Variants in PYGL observed in about 807,000 individuals in gnomAD.
PYGL encodes glycogen phosphorylase L.
In PYGL, 90 loss-of-function variants were observed where a neutral mutation model predicts 100.1. That is an observed-to-expected ratio of 0.90 (90% confidence interval 0.76 to 1.07). PYGL has a LOEUF of 1.07. Among genes scored for constraint, PYGL ranks in the 50% least tolerant of loss-of-function variants. The pLI, the probability that PYGL is intolerant of heterozygous loss-of-function variation, is 0.00. For synonymous variants in PYGL, 373 were observed against 393.0 expected (o/e 0.95, Z 0.60); for missense variants, 1,016 against 1,057.6 (o/e 0.96, Z 0.55).
At position 50,912,928 on chromosome 14, in the gene PYGL, T is replaced by C. The variant is rs374691859; in HGVS notation, c.1620+101A>G. 5.3e-5 allele frequency: 59 copies of C among 1,111,390 alleles called. No individual in the cohort carries two copies. In the African/African-American group the frequency reaches 8.0e-4, roughly 15 times the overall value. 68.8% of individuals were successfully genotyped at this position (1,111,390 alleles called of 1,614,324 possible). ...GAGATCGTGCCACTGCACTCCAGCCTGGGCAACAGAGCGAGACTCTGTCTC... is the reference window on the plus strand; with the variant it reads ...GAGATCGTGCCACTGCACTCCAGCCCGGGCAACAGAGCGAGACTCTGTCTC... On this transcript the variant is annotated intron_variant, in intron 13 of 19. Coordinates refer to ENST00000216392, the MANE Select transcript of PYGL (RefSeq NM_002863.5).
Position 50,911,973 on chromosome 14 carries a change from CT to C in PYGL, c.1827+4del. The C allele has an allele frequency of 6.2e-7, 1 of 1,613,638 alleles. No individual in the cohort carries two copies. Among genetic ancestry groups the C allele is most frequent in the Non-Finnish European group, 8.5e-7 (1 of 1,179,518 alleles). ...TCAAGTCCCCATTGAATAGATTCAA[CT>C]TACTTTACCACCAATGATAACTGTC... On this transcript the variant is annotated splice_donor_region_variant and intron_variant, in intron 15 of 19. Coordinates refer to ENST00000216392, the MANE Select transcript of PYGL (RefSeq NM_002863.5).
intron 13 of PYGL, among the ~76,000 whole-genome samples, chr14:50,912,779 C>A (rs572370256): frequency 6.6e-6 from 1 of 152,194 alleles, no homozygotes; most frequent in African/African-American, 2.4e-5. Flanking sequence ...CATAGTGTAA[C>A]CCTGTCTCTA....
chr14:50,924,009 A>G lies in PYGL; in HGVS notation c.620T>C (p.Val207Ala), dbSNP rs756105266. ...FMLPVHFYGKVEHTNTGTKWI... is the reference protein window; with the variant it reads ...FMLPVHFYGKAEHTNTGTKWI... ...CTTGGTCCCGGTGTTGGTGTGTTCT[A>G]CTTTTCCATAGAAGTGCACAGGCAG... The change falls in exon 5 of 20, where the codon GTA becomes GCA. Residue 207 changes from valine (V) to alanine (A), a missense_variant. Transcript: ENST00000216392. 3 of 1,613,944 alleles carry G rather than the reference A, an allele frequency of 1.9e-6. No homozygotes were observed. The highest frequency in any genetic ancestry group is 2.2e-5 in the South Asian group (2 of 91,080).
At chr14:50,910,535 A>T (rs369276083) in intron 16 of PYGL, among the ~76,000 whole-genome samples, 39 of 152,100 alleles carry the variant, frequency 2.6e-4, no homozygotes, top group African/African-American at 8.2e-4. Flanking sequence ...AGCTCTCTGC[A>T]GCCTTGACCT....
intron 2 of PYGL, among the ~76,000 whole-genome samples, chr14:50,936,676 G>C (rs1408569985): frequency 6.6e-6 from 1 of 152,124 alleles, no homozygotes; most frequent in Non-Finnish European, 1.5e-5. Context: ...GGGCAAGGTG[G>C]TGCATGCCTG....
chr14:50,930,582 C>T (rs1349848845), intron 4 of PYGL, among the ~76,000 whole-genome samples: 1 of 152,136 alleles, frequency 6.6e-6, no homozygotes, highest in East Asian at 1.9e-4. Context: ...CTCATCAAAC[C>T]AAATTTTTTA....
Position 50,911,986 on chromosome 14 carries a change from C to G in PYGL, c.1819G>C (p.Gly607Arg). 1 of 1,613,796 alleles carries G rather than the reference C, an allele frequency of 6.2e-7. No individual in the cohort carries two copies. The highest frequency in any genetic ancestry group is 8.5e-7 in the Non-Finnish European group (1 of 1,179,652). Residue 607 changes from glycine to arginine, a missense_variant, in exon 15 of 20, where the codon GGT (glycine) becomes CGT (arginine). Coordinates refer to ENST00000216392, the MANE Select transcript of PYGL (RefSeq NM_002863.5). The part of the protein sequence containing the change: ...KLFVPRTVII[G>R]GKAAPGYHMA... ...GAATAGATTCAACTTACTTTACCAC[C>G]AATGATAACTGTCCTTGGCACGAAT...
In PYGL at chr14:50,912,190, G is replaced by T; in HGVS notation, c.1734C>A (p.Leu578=). ...TCGTGATCACATGCAGACAGTTCAAGAGCTGTCGCTTGTACTCATGTATCC... is the reference window on the plus strand; with the variant it reads ...TCGTGATCACATGCAGACAGTTCAATAGCTGTCGCTTGTACTCATGTATCC... ...VKRIHEYKRQ[L]LNCLHVITMY... Residue 578 remains leucine (L), a synonymous_variant, in exon 14 of 20, where the codon CTC becomes CTA. Coordinates refer to ENST00000216392, the MANE Select transcript of PYGL (RefSeq NM_002863.5). The T allele has an allele frequency of 6.2e-7, 1 of 1,614,190 alleles. No individual in the cohort carries two copies. Among genetic ancestry groups the T allele is most frequent in the Non-Finnish European group, 8.5e-7 (1 of 1,180,034 alleles).
intron 4 of PYGL, among the ~76,000 whole-genome samples, chr14:50,926,598 C>A (rs151000071): frequency 6.6e-6 from 1 of 150,844 alleles, no homozygotes; most frequent in African/African-American, 2.4e-5. Context: ...TGGTGGCGGG[C>A]ACCTGTAATC....
chr14:50,916,554 T>C (rs913727611), intron 9 of PYGL, 88 bp downstream of exon 9: 1 of 1,241,032 alleles, frequency 8.1e-7, no homozygotes, highest in Admixed American at 1.7e-5. Flanking sequence ...ATAACTTACT[T>C]TGAAAAACTA....
intron 4 of PYGL, among the ~76,000 whole-genome samples, chr14:50,928,993 A>G (rs1426925225): frequency 6.6e-6 from 1 of 152,216 alleles, no homozygotes; most frequent in Non-Finnish European, 1.5e-5. Flanking sequence ...TAATGAAAGA[A>G]GTGATGATGG....
rs1171142071 is a variant in PYGL, at chr14:50,913,062, A to G, written c.1587T>C (p.Asp529=). The G allele has an allele frequency of 6.2e-7, 1 of 1,613,992 alleles. No individual in the cohort carries two copies. The highest frequency in any genetic ancestry group is 1.3e-5 in the African/African-American group (1 of 75,048). Residue 529 remains aspartate (D), a synonymous_variant, in exon 13 of 20, where the codon GAT becomes GAC. Coordinates refer to ENST00000216392, the MANE Select transcript of PYGL (RefSeq NM_002863.5). ...LTKLHSFLGD[D]VFLRELAKVK... ...CCTTGGCGAGTTCCCGGAGGAAGAC[A>G]TCATCACCCAGGAAGCTGTGGAGCT...
intron 7 of PYGL, among the ~76,000 whole-genome samples, chr14:50,917,829 C>T (rs1169636834): frequency 1.3e-5 from 2 of 152,184 alleles, no homozygotes; most frequent in Non-Finnish European, 2.9e-5. Context: ...TAAATGTCAC[C>T]AAGAAATGGT....
chr14:50,921,132 G>C, intron 5 of PYGL, 65 bp from the exon 6 acceptor site: 1 of 1,294,734 alleles, frequency 7.7e-7, no homozygotes, highest in East Asian at 2.3e-5. Context: ...GTTGAACAAG[G>C]GGCTGGGAGA....
At chr14:50,938,838 A>T (rs1011797325) in intron 1 of PYGL, among the ~76,000 whole-genome samples, 3 of 152,174 alleles carry the variant, frequency 2.0e-5, no homozygotes, top group African/African-American at 7.2e-5. Flanking sequence ...AACAGAAGTC[A>T]GACGGCCATA....
In PYGL at chr14:50,915,512, AG is replaced by A. The variant is rs2050438806; in HGVS notation, c.1240-14del. 3 of 1,614,178 alleles carry A rather than the reference AG, an allele frequency of 1.9e-6. No individual in the cohort carries two copies. The highest frequency in any genetic ancestry group is 2.7e-5 in the African/African-American group (2 of 75,068). On this transcript the variant is annotated splice_polypyrimidine_tract_variant and intron_variant, in intron 10 of 19. Transcript: ENST00000216392. ...AGGCCACAATTCTCTAGCCAAAGGA[AG>A]AGAAAGCCCTTGCTGGTCACTCAGG...
At chr14:50,926,261 G>A (rs1201931567) in intron 4 of PYGL, among the ~76,000 whole-genome samples, 1 of 152,042 alleles carries the variant, frequency 6.6e-6, no homozygotes, top group Non-Finnish European at 1.5e-5. Context: ...TGAGGTGGGA[G>A]GATTGCTTGA....
At chr14:50,906,512 A>G (rs2050338036) in intron 19 of PYGL, among the ~76,000 whole-genome samples, 1 of 152,220 alleles carries the variant, frequency 6.6e-6, no homozygotes, top group Non-Finnish European at 1.5e-5. Flanking sequence ...CATTGTTAAG[A>G]GTAAAAAGCT....
intron 17 of PYGL, among the ~76,000 whole-genome samples, chr14:50,909,181 T>C (rs2050365971): frequency 6.6e-6 from 1 of 152,164 alleles, no homozygotes; most frequent in South Asian, 2.1e-4. Context: ...CTAAGAACAA[T>C]AGATAATGAA....
Sources: allele counts gnomAD v4.1 joint callset (sites outside exome capture counted in the v4.1 genomes callset), GRCh38; gene constraint gnomAD v4.1.1; transcripts MANE v1.5; gene names NCBI Gene and HGNC (gene_info 2026-07-23, HGNC 2026-07-21).